VSNL1: variants seen among roughly 807,000 people sequenced by gnomAD.
The protein encoded by VSNL1 is visinin like 1.
VSNL1 carries 6 observed loss-of-function variants against 20.4 expected under a neutral mutation model. That is an observed-to-expected ratio of 0.29 (90% confidence interval 0.16 to 0.58). VSNL1 has a LOEUF of 0.58. Ranked by LOEUF, VSNL1 falls within the 20% of genes least tolerant of loss-of-function variation. The pLI is 0.90. For missense variants in VSNL1, 100 were observed against 234.5 expected, an observed-to-expected ratio of 0.43 and a Z score of 3.75; for synonymous variants, 93 against 86.4, an observed-to-expected ratio of 1.08 and a Z score of -0.42.
chr2:17,646,783 A>G (rs1666008180), intron 2 of VSNL1, among the ~76,000 whole-genome samples: 1 of 152,244 alleles, frequency 6.6e-6, no homozygotes, highest in Non-Finnish European at 1.5e-5. Context: ...AAAGAAAAAT[A>G]CTGTGCTTTT....
At chr2:17,622,844 G>A (rs1665418305) in intron 2 of VSNL1, among the ~76,000 whole-genome samples, 1 of 152,230 alleles carries the variant, frequency 6.6e-6, no homozygotes. Flanking sequence ...CACAGGAACA[G>A]GAGAGGCCAG....
chr2:17,646,085 C>T (rs1665989297), intron 2 of VSNL1, among the ~76,000 whole-genome samples: 1 of 152,172 alleles, frequency 6.6e-6, no homozygotes, highest in Non-Finnish European at 1.5e-5. Flanking sequence ...TGATTAATGC[C>T]TATTTTCCCC....
intron 2 of VSNL1, among the ~76,000 whole-genome samples, chr2:17,608,340 C>G (rs1333436166): frequency 6.6e-6 from 1 of 152,190 alleles, no homozygotes; most frequent in Non-Finnish European, 1.5e-5. Context: ...CTACCAGGAG[C>G]ACGATAAATG....
rs1456314142 is a variant in VSNL1 at position 17,621,861 on chromosome 2, T to C, written c.163-27549T>C. Among the ~76,000 whole-genome samples, 3 of 152,130 alleles carry C rather than the reference T, an allele frequency of 2.0e-5. No individual in the cohort carries two copies. In the East Asian group the frequency reaches 5.8e-4, roughly 29 times the overall value. ...TGCTATGTTGACCAAGCTGGTATGGTACTCTGATCCTCCAGCCTCAGCCTC... is the reference window on the plus strand; with the variant it reads ...TGCTATGTTGACCAAGCTGGTATGGCACTCTGATCCTCCAGCCTCAGCCTC... On this transcript the variant is annotated intron_variant, in intron 2 of 3. Transcript: ENST00000295156.
chr2:17,578,589 T>A (rs1664273210), intron 1 of VSNL1, among the ~76,000 whole-genome samples: 1 of 152,180 alleles, frequency 6.6e-6, no homozygotes, highest in East Asian at 1.9e-4. Context: ...GAAGCGGCAC[T>A]TCCTCTCCTT....
At chr2:17,592,029 C>T in intron 1 of VSNL1, 41 bp from the exon 2 acceptor site, 1 of 1,610,854 alleles carries the variant, frequency 6.2e-7, no homozygotes, top group Non-Finnish European at 8.5e-7. Flanking sequence ...TTGAAATGAT[C>T]ACAGCCACAG....
intron 1 of VSNL1, among the ~76,000 whole-genome samples, chr2:17,581,163 G>A (rs1413920331): frequency 6.6e-6 from 1 of 151,910 alleles, no homozygotes. Flanking sequence ...TATGTTAATC[G>A]TATTCCTCAG....
intron 2 of VSNL1, among the ~76,000 whole-genome samples, chr2:17,595,897 T>G (rs972744933): frequency 2.0e-5 from 3 of 152,214 alleles, no homozygotes; most frequent in African/African-American, 7.2e-5. Context: ...AGACTTGCTT[T>G]TTTAATGTCT....
intron 2 of VSNL1, among the ~76,000 whole-genome samples, chr2:17,601,478 A>C (rs1483845508): frequency 6.6e-6 from 1 of 151,328 alleles, no homozygotes; most frequent in African/African-American, 2.4e-5. Flanking sequence ...TCTATTAAAA[A>C]CACAAAAATC....
At chr2:17,610,722 GATT>G (rs1428342818) in intron 2 of VSNL1, among the ~76,000 whole-genome samples, 2 of 152,290 alleles carry the variant, frequency 1.3e-5, no homozygotes, top group East Asian at 3.9e-4. Context: ...ACATGATGCG[GATT>G]GCGATGTGTC....
intron 1 of VSNL1, among the ~76,000 whole-genome samples, chr2:17,573,459 A>G (rs1362061030): frequency 1.3e-5 from 2 of 152,196 alleles, no homozygotes; most frequent in Non-Finnish European, 2.9e-5. Flanking sequence ...TTTGCAAAAA[A>G]AAAAAAAGTT....
chr2:17,546,458 G>C (rs567486478), intron 1 of VSNL1, among the ~76,000 whole-genome samples: 2 of 151,484 alleles, frequency 1.3e-5, no homozygotes, highest in East Asian at 3.9e-4. Context: ...TTTGAAACCT[G>C]GGTGAATTTT....
Position 17,647,379 on chromosome 2 carries a change from G to C in VSNL1, c.163-2031G>C, listed in dbSNP as rs141826982. Among the ~76,000 whole-genome samples, 647 of 152,182 alleles carry C rather than the reference G, an allele frequency of 4.3e-3. 7 individuals are homozygous for C. The highest frequency in any genetic ancestry group is 0.015 in the African/African-American group (603 of 41,510). On this transcript the variant is annotated intron_variant, in intron 2 of 3. Coordinates refer to ENST00000295156, the MANE Select transcript of VSNL1 (RefSeq NM_003385.5). ...GACTTGGGAACCTGTCCAGGGGCTC[G>C]CTCTGCTCCACTCCAAGTCAGTTCA...
intron 1 of VSNL1, among the ~76,000 whole-genome samples, chr2:17,571,292 T>C (rs939963818): frequency 2.0e-5 from 3 of 152,312 alleles, no homozygotes; most frequent in Middle Eastern, 3.4e-3. Flanking sequence ...CAACTAATAA[T>C]AATTTTTTAA....
chr2:17,580,145 T>C (rs1664317716), intron 1 of VSNL1, among the ~76,000 whole-genome samples: 2 of 152,348 alleles, frequency 1.3e-5, no homozygotes, highest in South Asian at 4.1e-4. Context: ...CTATCCACTG[T>C]TCATTACAAT....
Position 17,625,714 on chromosome 2 carries a change from C to T in VSNL1, c.163-23696C>T, listed in dbSNP as rs185210308. On this transcript the variant is annotated intron_variant, in intron 2 of 3. Transcript: ENST00000295156. ...GTCAAGGATCAGCACTTGGCACCCA[C>T]CCCTTCCTCTACTACTAAGCAGCTC... Among the ~76,000 whole-genome samples, 136 of 152,294 alleles carry T rather than the reference C, an allele frequency of 8.9e-4. 1 individual carries two copies. The highest frequency in any genetic ancestry group is 3.0e-3 in the African/African-American group (126 of 41,554).
intron 1 of VSNL1, among the ~76,000 whole-genome samples, chr2:17,542,218 G>A (rs1663300342): frequency 6.6e-6 from 1 of 151,930 alleles, no homozygotes; most frequent in South Asian, 2.1e-4. Flanking sequence ...TGTGTGTGTG[G>A]TGGGGGGGAG....
intron 3 of VSNL1, among the ~76,000 whole-genome samples, chr2:17,650,336 G>A (rs1171279007): frequency 6.6e-6 from 1 of 152,142 alleles, no homozygotes; most frequent in Non-Finnish European, 1.5e-5. Context: ...ACCAAGAGGG[G>A]TTTTGTCCCA....
intron 2 of VSNL1, among the ~76,000 whole-genome samples, chr2:17,602,890 T>C (rs13031455): frequency 0.29 from 44,801 of 152,124 alleles, 8,401 homozygotes; most frequent in Middle Eastern, 0.57. Context: ...AAAAGGAGTC[T>C]GTAGCCAAGA....
Sources: gnomAD v4.1 joint callset for allele counts (sites outside exome capture counted in the v4.1 genomes callset) on GRCh38, gnomAD v4.1.1 for gene constraint, MANE v1.5 for transcripts, NCBI Gene and HGNC (gene_info 2026-07-23, HGNC 2026-07-21) for gene names.